PALLD: variants seen among roughly 807,000 people sequenced by gnomAD.
PALLD encodes palladin.
A neutral mutation model predicts 123.5 loss-of-function variants in PALLD; 61 were observed. The ratio of observed to expected loss-of-function variants is 0.49; its 90% confidence interval spans 0.40 to 0.61. The LOEUF is 0.61. Ranked by LOEUF, PALLD falls within the 20% of genes least tolerant of loss-of-function variation. The pLI is 0.00. For missense variants in PALLD, 1,273 were observed against 1,377.0 expected, an observed-to-expected ratio of 0.92 and a Z score of 1.20; for synonymous variants, 465 against 496.4, an observed-to-expected ratio of 0.94 and a Z score of 0.84.
chr4:168,622,975 A>G (rs2149801307), intron 2 of PALLD, among the ~76,000 whole-genome samples: 1 of 152,366 alleles, frequency 6.6e-6, no homozygotes, highest in African/African-American at 2.4e-5. Flanking sequence ...CTTCAACAGC[A>G]TTAACATTTT....
intron 10 of PALLD, among the ~76,000 whole-genome samples, chr4:168,879,634 G>A (rs1752343338): frequency 6.6e-6 from 1 of 152,186 alleles, no homozygotes; most frequent in South Asian, 2.1e-4. Context: ...GGTGTACCAG[G>A]CAGCTTCAGT....
At chr4:168,503,118 A>G (rs1444459035) in intron 1 of PALLD, among the ~76,000 whole-genome samples, 1 of 150,298 alleles carries the variant, frequency 6.7e-6, no homozygotes, top group African/African-American at 2.5e-5. Flanking sequence ...CAGTGTGCTA[A>G]GCATTTGCCA....
At position 168,727,781 on chromosome 4, in the gene PALLD, C is replaced by T. The variant is rs113324489; in HGVS notation, c.1964+15858C>T. ...TGGAAACTTCACCAAAAATGATTTG[C>T]CAAAGCTGAGGTCAAGAAGGTTATT... On this transcript the variant is annotated intron_variant, in intron 10 of 21. Coordinates refer to ENST00000505667, the MANE Select transcript of PALLD (RefSeq NM_001166108.2). Among the ~76,000 whole-genome samples the T allele has an allele frequency of 7.4e-3, 1,119 of 152,196 alleles. 15 individuals carry two copies. The highest frequency in any genetic ancestry group is 0.025 in the African/African-American group (1,050 of 41,526).
chr4:168,556,060 A>G (rs1340639923), intron 2 of PALLD, among the ~76,000 whole-genome samples: 2 of 152,072 alleles, frequency 1.3e-5, no homozygotes, highest in African/African-American at 4.8e-5. Context: ...CTTCTAACAC[A>G]TAGTATAGTC....
chr4:168,501,293 A>C (rs879508237), intron 1 of PALLD, among the ~76,000 whole-genome samples: 2 of 152,150 alleles, frequency 1.3e-5, no homozygotes, highest in African/African-American at 4.8e-5. Flanking sequence ...ATGCACCTGT[A>C]GTCCCAGCTA....
At chr4:168,586,776 C>A (rs566007388) in intron 2 of PALLD, among the ~76,000 whole-genome samples, 1 of 152,200 alleles carries the variant, frequency 6.6e-6, no homozygotes, top group South Asian at 2.1e-4. Flanking sequence ...GTCTTTCAAA[C>A]CCTTATATAC....
intron 17 of PALLD, among the ~76,000 whole-genome samples, chr4:168,919,288 C>T (rs1426596959): frequency 6.6e-6 from 1 of 152,014 alleles, no homozygotes; most frequent in Non-Finnish European, 1.5e-5. Context: ...CTTTGGGAGG[C>T]CGAGGCAGGT....
chr4:168,641,060 T>C (rs1025168656), intron 2 of PALLD, among the ~76,000 whole-genome samples: 1 of 151,968 alleles, frequency 6.6e-6, no homozygotes, highest in Non-Finnish European at 1.5e-5. Flanking sequence ...TACAAAAAAT[T>C]AGCCAGGCGT....
chr4:168,864,857 A>G (rs1213119113), intron 10 of PALLD, among the ~76,000 whole-genome samples: 1 of 152,246 alleles, frequency 6.6e-6, no homozygotes, highest in Non-Finnish European at 1.5e-5. Context: ...CAGATACCAT[A>G]TTATAGAAAA....
intron 2 of PALLD, among the ~76,000 whole-genome samples, chr4:168,657,771 A>T (rs1371324318): frequency 6.6e-6 from 1 of 152,182 alleles, no homozygotes; most frequent in Non-Finnish European, 1.5e-5. Flanking sequence ...CATGTACAGT[A>T]AGGAGCAGAT....
intron 10 of PALLD, among the ~76,000 whole-genome samples, chr4:168,888,712 C>G (rs898574934): frequency 2.0e-5 from 3 of 152,162 alleles, no homozygotes; most frequent in Non-Finnish European, 4.4e-5. Flanking sequence ...TAATCACTCT[C>G]GAGGGGATTG....
intron 10 of PALLD, among the ~76,000 whole-genome samples, chr4:168,887,033 C>T (rs551259611): frequency 1.1e-4 from 16 of 143,598 alleles, no homozygotes; most frequent in South Asian, 9.3e-4. Flanking sequence ...AGGAGAACTG[C>T]TTGAACCTGG....
At chr4:168,890,151 C>T (rs1753951023) in intron 10 of PALLD, among the ~76,000 whole-genome samples, 1 of 152,150 alleles carries the variant, frequency 6.6e-6, no homozygotes. Flanking sequence ...TTCTGTACCC[C>T]TCAAGCATCC....
chr4:168,555,405 T>C (rs575850704), intron 2 of PALLD, among the ~76,000 whole-genome samples: 13 of 152,174 alleles, frequency 8.5e-5, no homozygotes, highest in African/African-American at 3.1e-4. Context: ...ATCTGCCTGG[T>C]GGGGAGAGGG....
At chr4:168,802,935 A>G (rs1337404632) in intron 10 of PALLD, among the ~76,000 whole-genome samples, 2 of 151,982 alleles carry the variant, frequency 1.3e-5, no homozygotes, top group Non-Finnish European at 2.9e-5. Context: ...CAGGTGATTC[A>G]CCCACCTTGG....
At chr4:168,757,318 AC>A (rs1229817820) in intron 10 of PALLD, among the ~76,000 whole-genome samples, 24 of 152,226 alleles carry the variant, frequency 1.6e-4, no homozygotes, top group Admixed American at 1.5e-3. Context: ...AGTCAAAAAA[AC>A]ATCCTAGGGT....
intron 10 of PALLD, among the ~76,000 whole-genome samples, chr4:168,845,078 G>A (rs1260315377): frequency 1.3e-5 from 2 of 152,050 alleles, no homozygotes; most frequent in Non-Finnish European, 2.9e-5. Flanking sequence ...GGAGGGCTGT[G>A]TGTCCGGAGG....
intron 10 of PALLD, among the ~76,000 whole-genome samples, chr4:168,829,835 A>T (rs1294062528): frequency 6.6e-6 from 1 of 152,244 alleles, no homozygotes; most frequent in Non-Finnish European, 1.5e-5. Context: ...GTTCCAGGAC[A>T]ATGAATTGTT....
intron 2 of PALLD, among the ~76,000 whole-genome samples, chr4:168,577,538 T>C (rs1769754590): frequency 6.6e-6 from 1 of 152,176 alleles, no homozygotes; most frequent in African/African-American, 2.4e-5. Flanking sequence ...CAGGTTTTTC[T>C]TACATAGGAA....
Sources: allele counts gnomAD v4.1 joint callset (sites outside exome capture counted in the v4.1 genomes callset), GRCh38; gene constraint gnomAD v4.1.1; transcripts MANE v1.5; gene names NCBI Gene and HGNC (gene_info 2026-07-23, HGNC 2026-07-21).